KHDRBS2: variants seen among roughly 807,000 people sequenced by gnomAD.
KHDRBS2 encodes KH domain-containing, RNA-binding, signal transduction-associated protein 2.
KHDRBS2 carries 26 observed loss-of-function variants against 44.3 expected under a neutral mutation model. The ratio of observed to expected loss-of-function variants is 0.59; its 90% CI spans 0.43 to 0.81. The LOEUF (loss-of-function observed/expected upper bound fraction) is 0.81, where lower values mean the gene tolerates loss of function less well. Among genes scored for constraint, KHDRBS2 ranks in the 40% least tolerant of loss-of-function variants. The pLI, the probability that KHDRBS2 is intolerant of heterozygous loss-of-function variation, is 0.00. For missense variants in KHDRBS2, 476 were observed against 433.1 expected (o/e 1.10, Z -0.88); for synonymous variants, 194 against 151.1 (o/e 1.28, Z -2.08).
the KHDRBS2 span, among the ~76,000 whole-genome samples, chr6:61,586,804 C>T: frequency 6.6e-6 from 1 of 152,104 alleles, no homozygotes; most frequent in Non-Finnish European, 1.5e-5. Flanking sequence ...CTGAAGATAG[C>T]ATTCAAGACC....
the KHDRBS2 span, among the ~76,000 whole-genome samples, chr6:61,648,186 C>G: frequency 6.6e-6 from 1 of 151,978 alleles, no homozygotes; most frequent in Non-Finnish European, 1.5e-5. Context: ...AACTAGCCCT[C>G]AATTATGCCA....
intron 3 of KHDRBS2, among the ~76,000 whole-genome samples, chr6:62,035,929 T>C (rs1335742580): frequency 6.6e-6 from 1 of 152,042 alleles, no homozygotes; most frequent in Non-Finnish European, 1.5e-5. Context: ...TGACAAAAAT[T>C]CTTCATTAGA....
chr6:61,931,424 A>C (rs149478270), intron 4 of KHDRBS2, among the ~76,000 whole-genome samples: 12 of 152,146 alleles, frequency 7.9e-5, no homozygotes, highest in African/African-American at 2.4e-4. Context: ...TAAAATATTA[A>C]AGATGTTAAG....
At chr6:61,881,486 G>A (rs983360800) in intron 6 of KHDRBS2, among the ~76,000 whole-genome samples, 2 of 151,908 alleles carry the variant, frequency 1.3e-5, no homozygotes, top group African/African-American at 4.8e-5. Flanking sequence ...TCTCTTTACA[G>A]ATGTGGGACA....
chr6:62,001,948 A>G (rs1320215742), intron 3 of KHDRBS2, among the ~76,000 whole-genome samples: 2 of 152,164 alleles, frequency 1.3e-5, no homozygotes, highest in Admixed American at 6.6e-5. Flanking sequence ...TCAAGAAGCA[A>G]GTGAACTTGC....
chr6:61,790,343 A>C (rs1784435391), intron 6 of KHDRBS2, among the ~76,000 whole-genome samples: 1 of 151,334 alleles, frequency 6.6e-6, no homozygotes, highest in Admixed American at 6.6e-5. Context: ...AAGTGAATGC[A>C]ATTTAAAGCA....
At chr6:62,264,298 C>T (rs1585500813) in intron 1 of KHDRBS2, among the ~76,000 whole-genome samples, 2 of 151,792 alleles carry the variant, frequency 1.3e-5, no homozygotes, top group Non-Finnish European at 2.9e-5. Context: ...CAGGCATCTG[C>T]CAAAGGGCTC....
intron 2 of KHDRBS2, among the ~76,000 whole-genome samples, chr6:62,170,910 AT>A: frequency 6.6e-6 from 1 of 151,536 alleles, no homozygotes; most frequent in African/African-American, 2.4e-5. Flanking sequence ...AACCCGCCTT[AT>A]ACCAAAGTCA....
intron 4 of KHDRBS2, among the ~76,000 whole-genome samples, chr6:61,918,295 G>A (rs1583502751): frequency 6.6e-6 from 1 of 151,852 alleles, no homozygotes; most frequent in Non-Finnish European, 1.5e-5. Context: ...CTAAATCAGA[G>A]TTTTAAGTCC....
intron 4 of KHDRBS2, among the ~76,000 whole-genome samples, chr6:61,944,946 C>T (rs1007780738): frequency 6.6e-6 from 1 of 150,820 alleles, no homozygotes; most frequent in Non-Finnish European, 1.5e-5. Context: ...CAAAAATAAG[C>T]CGGGTGTGGT....
chr6:62,158,837 C>T (rs1310881008), intron 2 of KHDRBS2, among the ~76,000 whole-genome samples: 3 of 151,038 alleles, frequency 2.0e-5, no homozygotes, highest in Non-Finnish European at 4.4e-5. Context: ...TTTTTTAAAC[C>T]TTAGCCTCTA....
the KHDRBS2 span, among the ~76,000 whole-genome samples, chr6:61,654,096 G>A: frequency 6.6e-6 from 1 of 151,882 alleles, no homozygotes; most frequent in Non-Finnish European, 1.5e-5. Context: ...TAACTAACAG[G>A]TCCATACTTC....
At chr6:62,283,405 A>T (rs1561916748) in intron 1 of KHDRBS2, among the ~76,000 whole-genome samples, 1 of 152,138 alleles carries the variant, frequency 6.6e-6, no homozygotes, top group Non-Finnish European at 1.5e-5. Flanking sequence ...AAAATGCAAA[A>T]TAAATCATTG....
the KHDRBS2 span, among the ~76,000 whole-genome samples, chr6:61,632,951 TA>T: frequency 4.6e-5 from 7 of 152,202 alleles, no homozygotes; most frequent in African/African-American, 1.4e-4. Flanking sequence ...GTTTTGAGGT[TA>T]AAAAAAGAAC....
chr6:61,777,540 A>T (rs1388219803), intron 6 of KHDRBS2, among the ~76,000 whole-genome samples: 3 of 152,192 alleles, frequency 2.0e-5, no homozygotes, highest in Non-Finnish European at 4.4e-5. Context: ...AAAAAAATTT[A>T]AAACTCATTC....
At chr6:62,053,338 C>A (rs1181101354) in intron 2 of KHDRBS2, among the ~76,000 whole-genome samples, 1 of 151,244 alleles carries the variant, frequency 6.6e-6, no homozygotes, top group Non-Finnish European at 1.5e-5. Flanking sequence ...AATGCATAGA[C>A]CAAAGCCACT....
In KHDRBS2 at chr6:62,161,668, T is replaced by C. The variant is rs1295362758; in HGVS notation, c.219+15517A>G. 2.6e-5 allele frequency among the ~76,000 whole-genome samples: 4 copies of C among 151,544 alleles called. No individual in the cohort carries two copies. In the South Asian group the frequency reaches 6.2e-4, roughly 24 times the overall value. On this transcript the variant is annotated intron_variant, in intron 2 of 8. Transcript: ENST00000281156. ...TTTACTTCTGTCATTTTGCTACTTG[T>C]TTTCTACATGTTTTATAGCATTTTT...
the KHDRBS2 span, among the ~76,000 whole-genome samples, chr6:61,564,653 C>T: frequency 6.6e-6 from 1 of 152,160 alleles, no homozygotes; most frequent in African/African-American, 2.4e-5. Context: ...TCCACTCCTG[C>T]CTCTGTTGCT....
intron 1 of KHDRBS2, among the ~76,000 whole-genome samples, chr6:62,184,014 T>G (rs1291770626): frequency 6.6e-6 from 1 of 151,750 alleles, no homozygotes; most frequent in Non-Finnish European, 1.5e-5. Context: ...GAAATTATGC[T>G]TTTTTAGTTT....
Sources: gnomAD v4.1 joint callset for allele counts (sites outside exome capture counted in the v4.1 genomes callset) on GRCh38, gnomAD v4.1.1 for gene constraint, MANE v1.5 for transcripts, NCBI Gene and HGNC (gene_info 2026-07-23, HGNC 2026-07-21) for gene names.